The following HACD3 variants were observed in gnomAD, a reference collection of about 807,000 sequenced individuals.
HACD3 encodes the protein very-long-chain (3R)-3-hydroxyacyl-CoA dehydratase 3.
A neutral mutation model predicts 55.2 loss-of-function variants in HACD3; 30 were observed. The observed-to-expected ratio is 0.54, with a 90% CI of 0.41 to 0.74. HACD3 has a LOEUF of 0.74. HACD3 is among the 30% of genes least tolerant of loss of function. The pLI, the probability that HACD3 is intolerant of heterozygous loss-of-function variation, is 0.00. For missense variants in HACD3, 363 were observed against 440.1 expected (o/e 0.82, Z 1.57); for synonymous variants, 141 against 151.7 (o/e 0.93, Z 0.52).
Position 65,562,822 on chromosome 15 carries a change from A to G in HACD3, c.470A>G (p.Gln157Arg). Reference sequence around the variant, plus strand: ...TACCTGTTTATGTATAATCTTGTGCAATTCTTGGGATTCTCCTGGATCTTT... The same window carrying G: ...TACCTGTTTATGTATAATCTTGTGCGATTCTTGGGATTCTCCTGGATCTTT... ...KGYLFMYNLV[Q>R]FLGFSWIFVN... Residue 157 changes from glutamine (Q) to arginine (R), a missense_variant, in exon 6 of 11, where the codon CAA (glutamine) becomes CGA (arginine). Physicochemically the swap from Gln to Arg is conservative, Grantham distance 43. Coordinates refer to ENST00000261875, the MANE Select transcript of HACD3 (RefSeq NM_016395.4). 8 of 1,613,930 alleles carry G rather than the reference A, an allele frequency of 5.0e-6. No homozygotes were observed. Among genetic ancestry groups the G allele is most frequent in the Non-Finnish European group, 6.8e-6 (8 of 1,179,866 alleles).
chr15:65,552,485 G>A (rs985633876), intron 2 of HACD3, among the ~76,000 whole-genome samples: 1 of 151,938 alleles, frequency 6.6e-6, no homozygotes, highest in South Asian at 2.1e-4. Context: ...ACAGGCATCC[G>A]CCACCACGTC....
intron 1 of HACD3, 64 bp downstream of exon 1, chr15:65,530,782 C>T: frequency 1.4e-6 from 2 of 1,428,254 alleles, no homozygotes; most frequent in East Asian, 2.8e-5. Context: ...CGCCAGGACC[C>T]CTGCCCCCTT....
intron 1 of HACD3, among the ~76,000 whole-genome samples, chr15:65,542,016 G>T (rs1471426715): frequency 2.0e-5 from 3 of 152,014 alleles, no homozygotes; most frequent in Non-Finnish European, 4.4e-5. Context: ...AGACCACGAG[G>T]TCAATAGATC....
intron 1 of HACD3, among the ~76,000 whole-genome samples, chr15:65,538,213 G>A (rs1349548146): frequency 1.3e-5 from 2 of 152,036 alleles, no homozygotes; most frequent in Non-Finnish European, 2.9e-5. Flanking sequence ...TAGTGATTCT[G>A]TGATGGATCT....
chr15:65,564,880 A>T (rs1477923235), intron 7 of HACD3: 2 of 152,530 alleles, frequency 1.3e-5, no homozygotes, highest in Non-Finnish European at 2.9e-5. Context: ...CCACAGTCCA[A>T]AGTCTCATCT....
chr15:65,568,040 A>G (rs1362342645), intron 7 of HACD3, among the ~76,000 whole-genome samples: 2 of 151,160 alleles, frequency 1.3e-5, no homozygotes, highest in Admixed American at 1.3e-4. Context: ...CTCCTACCTC[A>G]GCCTCCCGAG....
At chr15:65,560,165 C>CTA (rs2072230909) in intron 5 of HACD3, among the ~76,000 whole-genome samples, 4 of 152,012 alleles carry the variant, frequency 2.6e-5, no homozygotes, top group African/African-American at 9.7e-5. Flanking sequence ...GCATATGCCA[C>CTA]TGTGCCTGGC....
intron 7 of HACD3, among the ~76,000 whole-genome samples, chr15:65,569,295 G>A (rs188281609): frequency 1.1e-3 from 167 of 151,120 alleles, no homozygotes; most frequent in African/African-American, 3.9e-3. Context: ...TCTCTGGCCC[G>A]TAACTCTGAG....
chr15:65,530,575 A>G lies in HACD3; in HGVS notation c.-57A>G. ...TTTCTGCTCGCGCCAGCAGAGCACT[A>G]CCTGAGGCAGCGAGGCGCAGCGAGC... is the stretch of plus-strand genomic sequence containing the variant. On this transcript the variant is annotated 5_prime_UTR_variant, in exon 1 of 11. Transcript: ENST00000261875. The G allele has an allele frequency of 2.7e-6, 4 of 1,479,994 alleles. No homozygotes were observed. The highest frequency in any genetic ancestry group is 3.7e-6 in the Non-Finnish European group (4 of 1,086,842). The allele number at this position is 1,479,994 out of a possible 1,614,324, so 91.7% of individuals were successfully genotyped here. A position where few individuals can be genotyped will look rare whatever the true frequency, so the allele number is the denominator to read the frequency against.
intron 7 of HACD3, among the ~76,000 whole-genome samples, chr15:65,567,621 T>C (rs749892922): frequency 2.6e-5 from 4 of 152,182 alleles, no homozygotes; most frequent in Non-Finnish European, 5.9e-5. Context: ...TCATTTTCGA[T>C]AACTAAAATG....
chr15:65,532,794 A>G (rs1487330741), intron 1 of HACD3, among the ~76,000 whole-genome samples: 1 of 152,176 alleles, frequency 6.6e-6, no homozygotes, highest in African/African-American at 2.4e-5. Context: ...TTACCCTCAT[A>G]AAAGAGTGTT....
intron 5 of HACD3, among the ~76,000 whole-genome samples, chr15:65,561,424 C>T (rs2072243328): frequency 6.6e-6 from 1 of 151,798 alleles, no homozygotes; most frequent in East Asian, 1.9e-4. Context: ...CGAGATTGTG[C>T]CACTGCACTC....
intron 1 of HACD3, among the ~76,000 whole-genome samples, chr15:65,550,142 C>T (rs998477540): frequency 2.0e-5 from 3 of 152,212 alleles, no homozygotes; most frequent in Admixed American, 6.5e-5. Flanking sequence ...AATCCCAGCA[C>T]TTTGGGAGGC....
intron 7 of HACD3, chr15:65,565,639 G>T (rs1445115114): frequency 6.6e-6 from 1 of 152,356 alleles, no homozygotes; most frequent in East Asian, 1.9e-4. Flanking sequence ...CAAATCCCTA[G>T]GTTGCACACA....
chr15:65,558,623 T>C, intron 4 of HACD3, 57 bp from the exon 5 acceptor site: 1 of 1,514,398 alleles, frequency 6.6e-7, no homozygotes, highest in Non-Finnish European at 9.0e-7. Context: ...TATGGACTTT[T>C]GCAAGCATCT....
chr15:65,565,978 C>T (rs765091991), intron 7 of HACD3: 2 of 152,262 alleles, frequency 1.3e-5, no homozygotes. Context: ...AATCATCTCT[C>T]TCAAGTTCAG....
intron 5 of HACD3, 118 bp downstream of exon 5, chr15:65,558,849 G>A (rs1596213840): frequency 3.1e-6 from 4 of 1,286,422 alleles, no homozygotes; most frequent in East Asian, 5.1e-5. Context: ...GTGTGGGTGA[G>A]TTTATGAAAA....
chr15:65,541,369 A>T (rs530707494), intron 1 of HACD3, among the ~76,000 whole-genome samples: 1 of 151,110 alleles, frequency 6.6e-6, no homozygotes, highest in Non-Finnish European at 1.5e-5. Context: ...CTGAGAGTTT[A>T]TTTAAACTGT....
chr15:65,549,426 G>GA (rs34149100), intron 1 of HACD3, among the ~76,000 whole-genome samples: 45,885 of 109,070 alleles, frequency 0.42, 11,916 homozygotes, highest in Non-Finnish European at 0.58. Flanking sequence ...TCTCTGCTGG[G>GA]AAAAAAAAAA....
Sources: gnomAD v4.1 joint callset for allele counts (sites outside exome capture counted in the v4.1 genomes callset) on GRCh38, gnomAD v4.1.1 for gene constraint, MANE v1.5 for transcripts, NCBI Gene and HGNC (gene_info 2026-07-23, HGNC 2026-07-21) for gene names.